PDS5B: variants seen among roughly 807,000 people sequenced by gnomAD.
PDS5B encodes the protein PDS5 cohesin associated factor B, also known as sister chromatid cohesion protein PDS5 homolog B.
A neutral mutation model predicts 184.1 loss-of-function variants in PDS5B; 51 were observed. The observed-to-expected ratio is 0.28, with a 90% CI of 0.22 to 0.35. The LOEUF (loss-of-function observed/expected upper bound fraction) is 0.35, where lower values mean the gene tolerates loss of function less well. Among genes scored for constraint, PDS5B ranks in the 10% least tolerant of loss-of-function variants. The pLI, the probability that PDS5B is intolerant of heterozygous loss-of-function variation, is 1.00. For missense variants in PDS5B, 1,180 were observed against 1,723.3 expected (o/e 0.68, Z 5.58); for synonymous variants, 566 against 569.2 (o/e 0.99, Z 0.08).
intron 19 of PDS5B, among the ~76,000 whole-genome samples, chr13:32,730,853 C>T (rs79441221): frequency 4.6e-5 from 7 of 152,228 alleles, no homozygotes; most frequent in South Asian, 4.2e-4. Context: ...TTGGCTGAGA[C>T]GACAGGGTTT....
chr13:32,683,315 A>ATTTT (rs529817272), intron 10 of PDS5B, among the ~76,000 whole-genome samples: 4 of 119,894 alleles, frequency 3.3e-5, no homozygotes, highest in African/African-American at 6.3e-5. Flanking sequence ...GGCCTTTAAA[A>ATTTT]TTTTTTTTTT....
chr13:32,646,150 G>C (rs920259422), intron 1 of PDS5B, among the ~76,000 whole-genome samples: 93 of 152,142 alleles, frequency 6.1e-4, no homozygotes, highest in African/African-American at 2.0e-3. Flanking sequence ...GACCACAGGT[G>C]CACACCACTA....
chr13:32,589,494 C>T (rs1028118232), intron 1 of PDS5B, among the ~76,000 whole-genome samples: 4 of 151,978 alleles, frequency 2.6e-5, no homozygotes, highest in Non-Finnish European at 4.4e-5. Flanking sequence ...TCTCTGTCTC[C>T]GGGAGCCGTC....
At chr13:32,681,547 C>T (rs983002498) in intron 10 of PDS5B, among the ~76,000 whole-genome samples, 1 of 151,760 alleles carries the variant, frequency 6.6e-6, no homozygotes, top group Non-Finnish European at 1.5e-5. Context: ...TTGCTTGAAC[C>T]TGGGAGGCAG....
intron 14 of PDS5B, among the ~76,000 whole-genome samples, chr13:32,694,813 A>G (rs1951656261): frequency 6.7e-6 from 1 of 149,770 alleles, no homozygotes; most frequent in South Asian, 2.1e-4. Flanking sequence ...ATCATATTTT[A>G]TCTTTTATCA....
chr13:32,766,045 A>G (rs957859324), intron 31 of PDS5B, among the ~76,000 whole-genome samples: 2 of 152,386 alleles, frequency 1.3e-5, no homozygotes, highest in South Asian at 4.1e-4. Context: ...CTGGATTTAC[A>G]GAAGAAAATC....
At chr13:32,590,635 A>C (rs141506607) in intron 1 of PDS5B, among the ~76,000 whole-genome samples, 7 of 152,346 alleles carry the variant, frequency 4.6e-5, no homozygotes, top group African/African-American at 1.7e-4. Flanking sequence ...ACCTGAAAAG[A>C]AATGAGATTT....
At chr13:32,638,352 A>AT (rs918374748) in intron 1 of PDS5B, among the ~76,000 whole-genome samples, 1 of 152,138 alleles carries the variant, frequency 6.6e-6, no homozygotes, top group African/African-American at 2.4e-5. Flanking sequence ...GAATGGAAAA[A>AT]TTTGTTGTCA....
intron 19 of PDS5B, among the ~76,000 whole-genome samples, chr13:32,723,675 A>G (rs868721646): frequency 2.0e-5 from 3 of 152,224 alleles, no homozygotes; most frequent in Non-Finnish European, 2.9e-5. Context: ...AGTGTGAACA[A>G]TAATTTTTCT....
intron 28 of PDS5B, 107 bp from the exon 29 acceptor site, chr13:32,759,521 A>C: frequency 2.0e-6 from 1 of 500,724 alleles, no homozygotes. Context: ...GTTTCATATG[A>C]TAATTTAGTT....
At chr13:32,697,155 C>G (rs1419383511) in intron 15 of PDS5B, among the ~76,000 whole-genome samples, 1 of 152,178 alleles carries the variant, frequency 6.6e-6, no homozygotes, top group Non-Finnish European at 1.5e-5. Context: ...ATGTGACTGA[C>G]TGAAGCTAAT....
At chr13:32,719,783 C>A (rs932964376) in intron 19 of PDS5B, among the ~76,000 whole-genome samples, 1 of 113,496 alleles carries the variant, frequency 8.8e-6, no homozygotes, top group Admixed American at 8.1e-5. Context: ...TGTATAAAGA[C>A]CCCCCCCCCT....
chr13:32,722,863 G>C (rs538082468), intron 19 of PDS5B, among the ~76,000 whole-genome samples: 6 of 152,360 alleles, frequency 3.9e-5, no homozygotes, highest in Non-Finnish European at 8.8e-5. Flanking sequence ...CTGGGGAGCA[G>C]TGAAACTACT....
chr13:32,750,781 A>G (rs1179687809), intron 24 of PDS5B, among the ~76,000 whole-genome samples: 2 of 151,518 alleles, frequency 1.3e-5, no homozygotes, highest in Non-Finnish European at 2.9e-5. Context: ...ACCTCAGGTG[A>G]TCCACTTGCC....
intron 18 of PDS5B, among the ~76,000 whole-genome samples, chr13:32,708,629 T>G (rs1019776809): frequency 2.6e-5 from 4 of 152,186 alleles, no homozygotes; most frequent in Non-Finnish European, 4.4e-5. Context: ...ATATGGAATA[T>G]AATACATTTT....
At chr13:32,669,741 T>G (rs906810062) in intron 7 of PDS5B, among the ~76,000 whole-genome samples, 1 of 152,186 alleles carries the variant, frequency 6.6e-6, no homozygotes, top group African/African-American at 2.4e-5. Context: ...GAGTACACAT[T>G]GAATTATATA....
At chr13:32,651,658 T>C (rs761764269) in intron 2 of PDS5B, 146 bp from the exon 3 acceptor site, 1 of 553,766 alleles carries the variant, frequency 1.8e-6, no homozygotes, top group South Asian at 2.7e-5. Context: ...TTTAGGAGAA[T>C]TGTGTTCTCT....
rs538045635 is a variant in PDS5B, at chr13:32,730,047, A to G, written c.2124-2054A>G. The stretch of plus-strand genomic sequence containing the variant: ...GCCTATGTCCTGAATGGTTTTACCT[A>G]GGTTTTCTTCTAAGGTTTTTTATGG... On this transcript the variant is annotated intron_variant, in intron 19 of 34. Transcript: ENST00000315596. Among the ~76,000 whole-genome samples the G allele has an allele frequency of 8.4e-5, 12 of 142,014 alleles. No homozygotes were observed. In the East Asian group the frequency reaches 2.3e-3, roughly 28 times the overall value. 93.2% of individuals were successfully genotyped at this position (142,014 alleles called of 152,430 possible). A position where few individuals can be genotyped will look rare whatever the true frequency, so the allele number is the denominator to read the frequency against.
intron 1 of PDS5B, among the ~76,000 whole-genome samples, chr13:32,596,910 A>G (rs1384617199): frequency 6.6e-6 from 1 of 152,132 alleles, no homozygotes; most frequent in Non-Finnish European, 1.5e-5. Context: ...GAGTATTAAG[A>G]GTATTTTCTC....
Sources: gnomAD v4.1 joint callset for allele counts (sites outside exome capture counted in the v4.1 genomes callset) on GRCh38, gnomAD v4.1.1 for gene constraint, MANE v1.5 for transcripts, NCBI Gene and HGNC (gene_info 2026-07-23, HGNC 2026-07-21) for gene names.